Variants in NREP observed in about 807,000 individuals in gnomAD.
NREP encodes neuronal regeneration related protein, also known as neuronal regeneration-related protein.
Under a neutral mutation model 8.6 loss-of-function variants are expected in NREP, and 5 were observed. The observed-to-expected ratio is 0.58, with a 90% CI of 0.30 to 1.22. The LOEUF (loss-of-function observed/expected upper bound fraction) is 1.22. Among genes scored for constraint, NREP ranks in the 50% most tolerant of loss-of-function variants. The pLI, the probability that NREP is intolerant of heterozygous loss-of-function variation, is 0.07. For missense variants in NREP, 86 were observed against 82.5 expected, an observed-to-expected ratio of 1.04 and a Z score of -0.17; for synonymous variants, 27 against 28.0, an observed-to-expected ratio of 0.96 and a Z score of 0.11.
At chr5:111,842,760 G>A (rs1363282809) in intron 2 of NREP, among the ~76,000 whole-genome samples, 1 of 152,088 alleles carries the variant, frequency 6.6e-6, no homozygotes, top group Admixed American at 6.6e-5. Context: ...CAAGTTCAAT[G>A]GTAATGAACT....
At chr5:111,852,244 T>G (rs1021423260) in intron 2 of NREP, among the ~76,000 whole-genome samples, 1 of 151,590 alleles carries the variant, frequency 6.6e-6, no homozygotes, top group Non-Finnish European at 1.5e-5. Context: ...AGTGAGGGAG[T>G]GTTATGTGAT....
intron 2 of NREP, among the ~76,000 whole-genome samples, chr5:111,815,462 G>A (rs1254307064): frequency 2.0e-5 from 3 of 151,832 alleles, no homozygotes; most frequent in Admixed American, 2.0e-4. Flanking sequence ...AAATTGCCAG[G>A]CATCTAAGGA....
chr5:111,955,080 C>T (rs1420981562), intron 2 of NREP, among the ~76,000 whole-genome samples: 1 of 152,158 alleles, frequency 6.6e-6, no homozygotes, highest in Non-Finnish European at 1.5e-5. Context: ...AAGAACGTGT[C>T]TCCATTCGTT....
intron 2 of NREP, among the ~76,000 whole-genome samples, chr5:111,857,307 C>T (rs921881355): frequency 6.6e-6 from 1 of 152,178 alleles, no homozygotes; most frequent in Non-Finnish European, 1.5e-5. Flanking sequence ...CTGTGTAGTA[C>T]GGGCTTTACT....
At chr5:111,959,043 C>T (rs1475501513) in intron 2 of NREP, among the ~76,000 whole-genome samples, 1 of 151,612 alleles carries the variant, frequency 6.6e-6, no homozygotes, top group Admixed American at 6.6e-5. Flanking sequence ...CTACCTCATA[C>T]AAGAAAAAAA....
chr5:111,882,493 C>A (rs1426207358), intron 2 of NREP, among the ~76,000 whole-genome samples: 3 of 152,148 alleles, frequency 2.0e-5, no homozygotes, highest in Non-Finnish European at 2.9e-5. Context: ...AACAAAGATA[C>A]TCCTCAAGAA....
intron 2 of NREP, among the ~76,000 whole-genome samples, chr5:111,763,062 C>T (rs559646422): frequency 2.6e-5 from 4 of 152,242 alleles, no homozygotes; most frequent in South Asian, 4.1e-4. Flanking sequence ...GAAAGGAAAC[C>T]GATTTACAAT....
chr5:111,846,348 G>A (rs1753166205), intron 2 of NREP: 1 of 134,750 alleles, frequency 7.4e-6, no homozygotes, highest in Non-Finnish European at 1.6e-5. Flanking sequence ...TAGTTTCTCT[G>A]TTTTCTGCAG....
At chr5:111,955,913 AC>A (rs60191557) in intron 2 of NREP, among the ~76,000 whole-genome samples, 46,915 of 141,872 alleles carry the variant, frequency 0.33, 7,843 homozygotes, top group South Asian at 0.54. Context: ...AAAAAAAAAA[AC>A]AAAAACGTTG....
At chr5:111,832,414 C>T (rs1047171144) in intron 2 of NREP, among the ~76,000 whole-genome samples, 3 of 151,962 alleles carry the variant, frequency 2.0e-5, no homozygotes, top group South Asian at 2.1e-4. Context: ...GCCTGTAGTC[C>T]CAGCTACTTG....
At chr5:111,903,748 C>T (rs1389849) in intron 2 of NREP, among the ~76,000 whole-genome samples, 91,411 of 151,824 alleles carry the variant, frequency 0.6, 27,932 homozygotes, top group Non-Finnish European at 0.65. Flanking sequence ...AAATAAGCAG[C>T]AACACAGAGA....
chr5:111,817,021 A>G (rs573742321), intron 2 of NREP, among the ~76,000 whole-genome samples: 266 of 152,232 alleles, frequency 1.7e-3, no homozygotes, highest in Non-Finnish European at 3.2e-3. Flanking sequence ...ATTTATTCCT[A>G]TAACTAGTTG....
At chr5:111,899,728 G>A (rs929363432) in intron 2 of NREP, among the ~76,000 whole-genome samples, 6 of 152,082 alleles carry the variant, frequency 3.9e-5, no homozygotes, top group Non-Finnish European at 8.8e-5. Context: ...CACATGGACT[G>A]AAAGTTTTAA....
intron 2 of NREP, among the ~76,000 whole-genome samples, chr5:111,850,520 A>G (rs1230097260): frequency 6.6e-6 from 1 of 151,990 alleles, no homozygotes; most frequent in African/African-American, 2.4e-5. Context: ...TTTCTTTCCA[A>G]GGCAATATTA....
At chr5:111,740,792 ATG>A (rs1749580420) in intron 2 of NREP, among the ~76,000 whole-genome samples, 2 of 152,222 alleles carry the variant, frequency 1.3e-5, no homozygotes, top group Non-Finnish European at 2.9e-5. Context: ...GTTCTCGGAC[ATG>A]TTTCCTATCA....
intron 2 of NREP, among the ~76,000 whole-genome samples, chr5:111,804,893 G>A (rs1263280693): frequency 6.6e-6 from 1 of 152,072 alleles, no homozygotes; most frequent in African/African-American, 2.4e-5. Flanking sequence ...CCCAGCTACT[G>A]GGGAGGCTGA....
At chr5:111,770,022 C>T (rs750094041) in intron 2 of NREP, among the ~76,000 whole-genome samples, 17 of 151,954 alleles carry the variant, frequency 1.1e-4, no homozygotes, top group Non-Finnish European at 1.5e-4. Context: ...ATAGGGAGGC[C>T]GTGATTGAGA....
chr5:111,920,792 G>A (rs1480136341), intron 2 of NREP, among the ~76,000 whole-genome samples: 1 of 152,130 alleles, frequency 6.6e-6, no homozygotes, highest in Non-Finnish European at 1.5e-5. Flanking sequence ...AGGCGGGGCA[G>A]AACACTACAA....
At chr5:111,742,294 C>G (rs997597504) in intron 2 of NREP, among the ~76,000 whole-genome samples, 3 of 152,110 alleles carry the variant, frequency 2.0e-5, no homozygotes. Context: ...GTGGAATCCT[C>G]TAAATTCACT....
Sources: allele counts gnomAD v4.1 joint callset (sites outside exome capture counted in the v4.1 genomes callset), GRCh38; gene constraint gnomAD v4.1.1; transcripts MANE v1.5; gene names NCBI Gene and HGNC (gene_info 2026-07-23, HGNC 2026-07-21).